PKNOX2: variants seen among roughly 807,000 people sequenced by gnomAD.
PKNOX2 encodes PBX/knotted 1 homeobox 2.
In PKNOX2, 14 loss-of-function variants were observed where a neutral mutation model predicts 53.1. The observed-to-expected ratio is 0.26, with a 90% CI of 0.17 to 0.41. The LOEUF (loss-of-function observed/expected upper bound fraction) is 0.41, where lower values mean the gene tolerates loss of function less well. PKNOX2 is among the 10% of genes least tolerant of loss of function. The pLI is 1.00. For synonymous variants in PKNOX2, 257 were observed against 242.8 expected (o/e 1.06, Z -0.54); for missense variants, 496 against 602.8 (o/e 0.82, Z 1.85).
intron 9 of PKNOX2, chr11:125,411,100 G>A: frequency 2.0e-6 from 1 of 500,540 alleles, no homozygotes; most frequent in Non-Finnish European, 3.6e-6. Context: ...AAAGGATCCT[G>A]CACTTCCTAT....
intron 2 of PKNOX2, among the ~76,000 whole-genome samples, chr11:125,290,519 C>A (rs1014350370): frequency 2.6e-4 from 39 of 152,110 alleles, no homozygotes; most frequent in African/African-American, 8.7e-4. Flanking sequence ...AGGGCTTGAC[C>A]GTGATCCAAG....
chr11:125,178,609 G>GGAAA (rs369928323), intron 1 of PKNOX2, among the ~76,000 whole-genome samples: 10 of 46,224 alleles, frequency 2.2e-4, no homozygotes, highest in South Asian at 1.9e-3. Flanking sequence ...AAGGAAGGAA[G>GGAAA]GAAAGAAAGA....
intron 5 of PKNOX2, among the ~76,000 whole-genome samples, chr11:125,378,629 G>A (rs1306506699): frequency 1.3e-5 from 2 of 152,230 alleles, no homozygotes; most frequent in Non-Finnish European, 2.9e-5. Context: ...GATGGCCCAG[G>A]CAGGCAGCCA....
intron 5 of PKNOX2, among the ~76,000 whole-genome samples, chr11:125,368,605 G>A (rs767516385): frequency 1.3e-5 from 2 of 152,248 alleles, no homozygotes; most frequent in Non-Finnish European, 2.9e-5. Context: ...GTGTGTGACT[G>A]TAGGTTCTGG....
intron 1 of PKNOX2, among the ~76,000 whole-genome samples, chr11:125,170,444 G>C (rs1955202376): frequency 6.6e-6 from 1 of 152,166 alleles, no homozygotes; most frequent in South Asian, 2.1e-4. Context: ...GCAACAGTTG[G>C]AGGGCACAGT....
At chr11:125,192,254 T>A (rs1246678670) in intron 1 of PKNOX2, among the ~76,000 whole-genome samples, 2 of 152,120 alleles carry the variant, frequency 1.3e-5, no homozygotes, top group African/African-American at 4.8e-5. Context: ...AGCTGGTCAC[T>A]AGGGTTGGCA....
chr11:125,394,908 C>A (rs1954290173), intron 6 of PKNOX2, among the ~76,000 whole-genome samples: 1 of 152,164 alleles, frequency 6.6e-6, no homozygotes, highest in Non-Finnish European at 1.5e-5. Flanking sequence ...AATTTCACAG[C>A]CAGGAACAAT....
rs1271771920 is a variant in PKNOX2 at position 125,165,115 on chromosome 11, C to A, written c.-201+339C>A. On this transcript the variant is annotated intron_variant, in intron 1 of 12. Coordinates refer to ENST00000298282, the MANE Select transcript of PKNOX2 (RefSeq NM_001382323.2). This position sits in a 1 kb window ranked among gnomAD's most constrained non-coding sequence, Gnocchi z 4.5. ...CGGAGGCTGCGAGAGCCCCGCGGGC[C>A]GCCCGCTCCCCTGCCCGGCCAGCGC... Among the ~76,000 whole-genome samples, 3 of 148,422 alleles carry A rather than the reference C, an allele frequency of 2.0e-5. No homozygotes were observed. In the East Asian group the frequency reaches 5.9e-4, roughly 29 times the overall value.
intron 1 of PKNOX2, among the ~76,000 whole-genome samples, chr11:125,233,191 C>T (rs552165387): frequency 6.6e-6 from 1 of 152,280 alleles, no homozygotes; most frequent in East Asian, 1.9e-4. Context: ...TTGAATCTAG[C>T]CCTCCAGCAC....
At chr11:125,185,717 A>T (rs970882857) in intron 1 of PKNOX2, among the ~76,000 whole-genome samples, 1 of 152,206 alleles carries the variant, frequency 6.6e-6, no homozygotes, top group Non-Finnish European at 1.5e-5. Flanking sequence ...ATAATATTTC[A>T]TTGAATGTAG....
intron 2 of PKNOX2, among the ~76,000 whole-genome samples, chr11:125,319,406 A>G (rs1285795363): frequency 2.0e-5 from 3 of 152,238 alleles, no homozygotes; most frequent in African/African-American, 7.2e-5. Flanking sequence ...CTGCTGTTGG[A>G]AAAATTGTAC....
At chr11:125,430,180 G>A in intron 12 of PKNOX2, 39 bp downstream of exon 12, 1 of 1,598,242 alleles carries the variant, frequency 6.3e-7, no homozygotes, top group Non-Finnish European at 8.5e-7. Context: ...ACAAGGGCTG[G>A]GGGTGCTCCT....
At chr11:125,286,879 G>T (rs1946939303) in intron 2 of PKNOX2, among the ~76,000 whole-genome samples, 1 of 152,240 alleles carries the variant, frequency 6.6e-6, no homozygotes. Context: ...AACAGCGTAT[G>T]TTGTGAGTGC....
chr11:125,400,316 A>G (rs955915865), intron 7 of PKNOX2, among the ~76,000 whole-genome samples: 3 of 152,152 alleles, frequency 2.0e-5, no homozygotes, highest in African/African-American at 7.2e-5. Flanking sequence ...TACGGTGATT[A>G]CACATAGGCT....
At chr11:125,355,785 A>G (rs1337908874) in intron 4 of PKNOX2, among the ~76,000 whole-genome samples, 1 of 152,152 alleles carries the variant, frequency 6.6e-6, no homozygotes, top group Non-Finnish European at 1.5e-5. Flanking sequence ...CCTCCCTCCC[A>G]GAATTTTCTT....
At position 125,183,397 on chromosome 11, in the gene PKNOX2, T is replaced by C. The variant is rs555575812; in HGVS notation, c.-201+18621T>C. ...GCGCCCGGCTAATTTTTTGTATTTT[T>C]AGTAGAGACGGGGTTTCACCTTGTT... On this transcript the variant is annotated intron_variant, in intron 1 of 12. Transcript: ENST00000298282. Among the ~76,000 whole-genome samples, 26 of 129,030 alleles carry C rather than the reference T, an allele frequency of 2.0e-4. 8 individuals are homozygous for C. The highest frequency in any genetic ancestry group is 7.4e-4 in the African/African-American group (26 of 35,008). 84.6% of individuals were successfully genotyped at this position (129,030 alleles called of 152,430 possible).
At chr11:125,233,241 A>G (rs1368326138) in intron 1 of PKNOX2, among the ~76,000 whole-genome samples, 1 of 152,222 alleles carries the variant, frequency 6.6e-6, no homozygotes, top group African/African-American at 2.4e-5. Context: ...GTGCACCTGA[A>G]AAGTTGGCCA....
At chr11:125,202,881 C>T (rs192357493) in intron 1 of PKNOX2, among the ~76,000 whole-genome samples, 7 of 152,292 alleles carry the variant, frequency 4.6e-5, no homozygotes, top group Admixed American at 3.9e-4. Context: ...TTCCTCTCTA[C>T]CCCCAGCTGC....
At chr11:125,285,383 C>G (rs891630865) in intron 2 of PKNOX2, among the ~76,000 whole-genome samples, 5 of 152,184 alleles carry the variant, frequency 3.3e-5, no homozygotes, top group African/African-American at 1.2e-4. Context: ...ATAGAATAAA[C>G]AGAGAAGGCA....
Sources: allele counts gnomAD v4.1 joint callset (sites outside exome capture counted in the v4.1 genomes callset), GRCh38; gene constraint gnomAD v4.1.1; non-coding constraint Gnocchi (gnomAD v3.1); transcripts MANE v1.5; gene names NCBI Gene and HGNC (gene_info 2026-07-23, HGNC 2026-07-21).